The following PLEKHA5 variants were observed in gnomAD, a reference collection of about 807,000 sequenced individuals.
PLEKHA5 encodes pleckstrin homology domain-containing family A member 5.
In PLEKHA5, 55 loss-of-function variants were observed where a neutral mutation model predicts 181.9. That is an observed-to-expected ratio of 0.30 (90% CI 0.24 to 0.38). PLEKHA5 has a LOEUF of 0.38. PLEKHA5 is among the 10% of genes least tolerant of loss of function. The pLI is 1.00. For synonymous variants in PLEKHA5, 535 were observed against 529.4 expected (o/e 1.01, Z -0.15); for missense variants, 1,432 against 1,549.5 (o/e 0.92, Z 1.27).
chr12:19,252,300 A>C (rs974870175), intron 3 of PLEKHA5, among the ~76,000 whole-genome samples: 1 of 152,164 alleles, frequency 6.6e-6, no homozygotes, highest in African/African-American at 2.4e-5. Flanking sequence ...ACATGTACTA[A>C]TATTTTAAGA....
At chr12:19,252,633 AT>A (rs1463864903) in intron 3 of PLEKHA5, among the ~76,000 whole-genome samples, 1 of 151,856 alleles carries the variant, frequency 6.6e-6, no homozygotes, top group African/African-American at 2.4e-5. Flanking sequence ...ATTCAAAGCA[AT>A]TTTTTTCAGT....
intron 15 of PLEKHA5, among the ~76,000 whole-genome samples, chr12:19,296,636 G>T (rs888067279): frequency 2.0e-5 from 3 of 152,136 alleles, no homozygotes. Flanking sequence ...TGGGAGTAGG[G>T]ACTTGAAGTT....
intron 15 of PLEKHA5, among the ~76,000 whole-genome samples, chr12:19,312,679 G>C (rs1466643968): frequency 2.6e-5 from 4 of 152,196 alleles, no homozygotes; most frequent in Admixed American, 2.6e-4. Flanking sequence ...TGTTGTGACT[G>C]TTTGATCTTC....
intron 20 of PLEKHA5, among the ~76,000 whole-genome samples, chr12:19,327,419 C>T (rs1380284514): frequency 6.6e-6 from 1 of 151,444 alleles, no homozygotes; most frequent in East Asian, 1.9e-4. Context: ...TGTCTTTTGC[C>T]CATTTTTTAA....
intron 3 of PLEKHA5, among the ~76,000 whole-genome samples, chr12:19,185,443 C>G (rs902576504): frequency 3.3e-5 from 5 of 152,016 alleles, no homozygotes; most frequent in African/African-American, 9.7e-5. Context: ...CAGCCTAGAG[C>G]TGTCCTCATG....
intron 3 of PLEKHA5, among the ~76,000 whole-genome samples, chr12:19,218,431 G>T: frequency 6.6e-6 from 1 of 152,128 alleles, no homozygotes; most frequent in East Asian, 1.9e-4. Flanking sequence ...AATGTAATTG[G>T]CAAGAATAGA....
At chr12:19,215,364 G>A (rs2057762690) in intron 3 of PLEKHA5, among the ~76,000 whole-genome samples, 1 of 151,998 alleles carries the variant, frequency 6.6e-6, no homozygotes, top group South Asian at 2.1e-4. Context: ...ATAGAATCCA[G>A]ACGCTGAGTA....
At chr12:19,296,230 A>G (rs977500526) in intron 15 of PLEKHA5, among the ~76,000 whole-genome samples, 1 of 138,284 alleles carries the variant, frequency 7.2e-6, no homozygotes, top group Non-Finnish European at 1.5e-5. Flanking sequence ...ACAGAGTGAG[A>G]CTCCGTCTGA....
At chr12:19,189,000 G>A (rs1369040650) in intron 3 of PLEKHA5, among the ~76,000 whole-genome samples, 6 of 152,190 alleles carry the variant, frequency 3.9e-5, no homozygotes, top group African/African-American at 7.2e-5. Flanking sequence ...TCAACATAGA[G>A]CAAAGATAGA....
intron 28 of PLEKHA5, among the ~76,000 whole-genome samples, chr12:19,360,475 C>T (rs1048532832): frequency 6.6e-6 from 1 of 151,706 alleles, no homozygotes; most frequent in East Asian, 2.0e-4. Context: ...GGCACAGTGA[C>T]ACATGCCTGT....
intron 3 of PLEKHA5, among the ~76,000 whole-genome samples, chr12:19,193,540 C>A (rs1200213027): frequency 6.6e-6 from 1 of 152,094 alleles, no homozygotes; most frequent in Non-Finnish European, 1.5e-5. Context: ...AGTTTTACTA[C>A]ATTGATATAT....
At chr12:19,147,677 G>A (rs911609752) in intron 3 of PLEKHA5, among the ~76,000 whole-genome samples, 2 of 151,012 alleles carry the variant, frequency 1.3e-5, no homozygotes, top group African/African-American at 2.4e-5. Flanking sequence ...GGAGAGAGAA[G>A]TAAAAGAAAC....
intron 3 of PLEKHA5, among the ~76,000 whole-genome samples, chr12:19,237,432 ACCTC>A (rs2061576492): frequency 6.6e-6 from 1 of 152,002 alleles, no homozygotes; most frequent in African/African-American, 2.4e-5. Context: ...TTGCCCCTAG[ACCTC>A]CAAAGATAAT....
chr12:19,280,564 A>T (rs2152778832), intron 11 of PLEKHA5, among the ~76,000 whole-genome samples: 1 of 152,228 alleles, frequency 6.6e-6, no homozygotes, highest in African/African-American at 2.4e-5. Context: ...ATTAGGAAAA[A>T]GTTGTTAACT....
At chr12:19,346,608 A>G (rs548057669) in intron 23 of PLEKHA5, among the ~76,000 whole-genome samples, 1 of 152,300 alleles carries the variant, frequency 6.6e-6, no homozygotes, top group South Asian at 2.1e-4. Flanking sequence ...TCACTGCACT[A>G]TAGCGAGACC....
At chr12:19,184,810 T>A (rs1000144203) in intron 3 of PLEKHA5, among the ~76,000 whole-genome samples, 1 of 152,118 alleles carries the variant, frequency 6.6e-6, no homozygotes, top group Non-Finnish European at 1.5e-5. Context: ...GTTACTTGAA[T>A]AGAAGTGATA....
At chr12:19,288,343 A>G (rs76467196) in intron 13 of PLEKHA5, among the ~76,000 whole-genome samples, 19,352 of 152,238 alleles carry the variant, frequency 0.13, 1,268 homozygotes, top group South Asian at 0.17. Flanking sequence ...AGTATTTACC[A>G]TTACCATTTC....
At chr12:19,334,611 G>A (rs1049436126) in intron 20 of PLEKHA5, among the ~76,000 whole-genome samples, 6 of 151,556 alleles carry the variant, frequency 4.0e-5, no homozygotes, top group Admixed American at 1.3e-4. Flanking sequence ...TGCAGTTTTT[G>A]TGGTGCACAC....
At chr12:19,154,014 CTTTTA>C (rs1308205917) in intron 3 of PLEKHA5, 4 of 151,986 alleles carry the variant, frequency 2.6e-5, no homozygotes, top group African/African-American at 9.7e-5. Context: ...GTACTCTGTC[CTTTTA>C]TTTTGAGTTT....
Sources: allele counts gnomAD v4.1 joint callset (sites outside exome capture counted in the v4.1 genomes callset), GRCh38; gene constraint gnomAD v4.1.1; transcripts MANE v1.5; gene names NCBI Gene and HGNC (gene_info 2026-07-23, HGNC 2026-07-21).